Variants in CSMD1 observed in about 807,000 individuals in gnomAD.
The protein encoded by CSMD1 is CUB and sushi domain-containing protein 1.
A neutral mutation model predicts 417.5 loss-of-function variants in CSMD1; 213 were observed. The ratio of observed to expected loss-of-function variants is 0.51; its 90% CI spans 0.46 to 0.57. The LOEUF (loss-of-function observed/expected upper bound fraction) is 0.57. CSMD1 is among the 20% of genes least tolerant of loss of function. The probability of loss-of-function intolerance (pLI) is 0.00; values close to 1 mark genes in which losing one functional copy is unlikely to be tolerated. For synonymous variants in CSMD1, 2,862 were observed against 1,736.8 expected (o/e 1.65, Z -16.11); for missense variants, 6,923 against 4,529.7 (o/e 1.53, Z -15.17).
At chr8:3,090,877 C>G (rs1814894933) in intron 48 of CSMD1, among the ~76,000 whole-genome samples, 1 of 151,988 alleles carries the variant, frequency 6.6e-6, no homozygotes, top group South Asian at 2.1e-4. Flanking sequence ...TGATTGTATA[C>G]AGGATTTAAT....
At chr8:3,527,037 A>C (rs1797782302) in intron 10 of CSMD1, among the ~76,000 whole-genome samples, 1 of 152,050 alleles carries the variant, frequency 6.6e-6, no homozygotes, top group Admixed American at 6.5e-5. Flanking sequence ...GCTGGGCTGC[A>C]GTTGTCGTAT....
chr8:3,403,522 C>G (rs1476993388), intron 15 of CSMD1, among the ~76,000 whole-genome samples: 2 of 152,182 alleles, frequency 1.3e-5, no homozygotes, highest in Admixed American at 6.5e-5. Flanking sequence ...TTGTTAACAA[C>G]CTATAGCTGG....
At chr8:3,950,613 C>CT (rs1563245335) in intron 5 of CSMD1, among the ~76,000 whole-genome samples, 1 of 152,196 alleles carries the variant, frequency 6.6e-6, no homozygotes, top group African/African-American at 2.4e-5. Flanking sequence ...TAAGTCGTGG[C>CT]TCAGCAGGAA....
At chr8:3,040,624 G>T (rs1292713279) in intron 50 of CSMD1, among the ~76,000 whole-genome samples, 1 of 151,734 alleles carries the variant, frequency 6.6e-6, no homozygotes, top group African/African-American at 2.4e-5. Context: ...CCAACATGAT[G>T]AAACCCCGTC....
rs35621660 is a variant in CSMD1 at position 4,142,791 on chromosome 8, G to C, written c.416-110692C>G. Among the ~76,000 whole-genome samples, 4 of 150,622 alleles carry C rather than the reference G, an allele frequency of 2.7e-5. 1 individual carries two copies. Among genetic ancestry groups the C allele is most frequent in the African/African-American group, 9.9e-5 (4 of 40,206 alleles). On this transcript the variant is annotated intron_variant, in intron 3 of 69. Coordinates refer to ENST00000635120, the MANE Select transcript of CSMD1 (RefSeq NM_033225.6). The stretch of plus-strand genomic sequence containing the variant: ...TTAGTGCAAAACAGGCTTCAACAAA[G>C]TCTCGTATTTATTTTTAAAAGCCTA...
Position 4,275,624 on chromosome 8 carries a change from T to C in CSMD1, c.415+144329A>G, listed in dbSNP as rs925354156. ...AATTTTTAACCTCAGCATACAAAAATTCATGTGCACATCTTCCTAAAAATG... is the reference window on the plus strand; with the variant it reads ...AATTTTTAACCTCAGCATACAAAAACTCATGTGCACATCTTCCTAAAAATG... On this transcript the variant is annotated intron_variant, in intron 3 of 69. Transcript: ENST00000635120. Among the ~76,000 whole-genome samples the C allele has an allele frequency of 1.8e-4, 28 of 152,140 alleles. 1 individual carries two copies. The highest frequency in any genetic ancestry group is 6.5e-4 in the African/African-American group (27 of 41,440).
intron 3 of CSMD1, among the ~76,000 whole-genome samples, chr8:4,187,449 G>T (rs922795412): frequency 6.6e-6 from 1 of 152,106 alleles, no homozygotes; most frequent in Non-Finnish European, 1.5e-5. Flanking sequence ...GAAGAGACCA[G>T]CCTGATCAAC....
At chr8:3,747,579 T>G (rs1233594246) in intron 6 of CSMD1, among the ~76,000 whole-genome samples, 1 of 152,110 alleles carries the variant, frequency 6.6e-6, no homozygotes, top group Non-Finnish European at 1.5e-5. Context: ...TTTCCAAGTT[T>G]GTTTATTACT....
intron 2 of CSMD1, among the ~76,000 whole-genome samples, chr8:4,436,204 C>A (rs936827513): frequency 4.6e-5 from 7 of 152,134 alleles, no homozygotes; most frequent in Non-Finnish European, 1.0e-4. Flanking sequence ...CTTTAGGCTT[C>A]TTATGCCTCA....
At chr8:3,314,210 T>C (rs963624330) in intron 23 of CSMD1, among the ~76,000 whole-genome samples, 7 of 152,168 alleles carry the variant, frequency 4.6e-5, no homozygotes, top group African/African-American at 1.7e-4. Flanking sequence ...ACATGGCACA[T>C]GTATACATAT....
chr8:4,020,790 ATTTCT>A (rs745468407), intron 4 of CSMD1, among the ~76,000 whole-genome samples: 5 of 152,206 alleles, frequency 3.3e-5, no homozygotes, highest in Admixed American at 6.5e-5. Context: ...CTGAAATGAG[ATTTCT>A]TTTGAGAAAA....
chr8:3,259,499 C>T (rs192308452), intron 26 of CSMD1, among the ~76,000 whole-genome samples: 1,549 of 152,292 alleles, frequency 0.01, 25 homozygotes, highest in African/African-American at 0.035. Flanking sequence ...AATTTTCAGT[C>T]TGATATTAGC....
At chr8:4,273,002 C>G (rs1490972200) in intron 3 of CSMD1, among the ~76,000 whole-genome samples, 2 of 152,062 alleles carry the variant, frequency 1.3e-5, no homozygotes, top group Non-Finnish European at 2.9e-5. Flanking sequence ...ACAGCTATTG[C>G]GTCATGTACC....
At chr8:4,710,964 G>T (rs903922662) in intron 1 of CSMD1, among the ~76,000 whole-genome samples, 1 of 152,024 alleles carries the variant, frequency 6.6e-6, no homozygotes, top group Non-Finnish European at 1.5e-5. Context: ...ACAAATGATG[G>T]TGCTCTTGGA....
chr8:4,890,810 C>T (rs988987137), intron 1 of CSMD1, among the ~76,000 whole-genome samples: 13 of 152,118 alleles, frequency 8.5e-5, no homozygotes, highest in Non-Finnish European at 1.5e-5. Context: ...GTTAAGGACG[C>T]TTTTGTCGAC....
intron 9 of CSMD1, among the ~76,000 whole-genome samples, chr8:3,579,118 T>A (rs1269672683): frequency 1.3e-5 from 2 of 152,208 alleles, no homozygotes; most frequent in Non-Finnish European, 2.9e-5. Context: ...TCCAGACCTG[T>A]AAACTCAAAT....
At chr8:4,320,571 T>C (rs961845657) in intron 3 of CSMD1, among the ~76,000 whole-genome samples, 6 of 152,164 alleles carry the variant, frequency 3.9e-5, no homozygotes, top group South Asian at 2.1e-4. Flanking sequence ...ATGTGTTCTC[T>C]TTGTTCAACT....
intron 5 of CSMD1, among the ~76,000 whole-genome samples, chr8:3,910,096 G>A (rs1808364802): frequency 6.6e-6 from 1 of 152,160 alleles, no homozygotes; most frequent in Non-Finnish European, 1.5e-5. Flanking sequence ...TTGGGGAAAG[G>A]AGAACGGAAC....
At chr8:3,063,822 G>A (rs1418057545) in intron 49 of CSMD1, among the ~76,000 whole-genome samples, 2 of 152,198 alleles carry the variant, frequency 1.3e-5, no homozygotes, top group Non-Finnish European at 2.9e-5. Context: ...GGGGCTGGAG[G>A]AGGAGGAATG....
Sources: allele counts gnomAD v4.1 joint callset (sites outside exome capture counted in the v4.1 genomes callset), GRCh38; gene constraint gnomAD v4.1.1; transcripts MANE v1.5; gene names NCBI Gene and HGNC (gene_info 2026-07-23, HGNC 2026-07-21).